PRKAR1A: variants seen among roughly 807,000 people sequenced by gnomAD.
PRKAR1A encodes cAMP-dependent protein kinase type I-alpha regulatory subunit.
In PRKAR1A, 3 loss-of-function variants were observed where a neutral mutation model predicts 52.0. The ratio of observed to expected loss-of-function variants is 0.06; its 90% CI spans 0.03 to 0.15. The LOEUF (loss-of-function observed/expected upper bound fraction) is 0.15. Ranked by LOEUF, PRKAR1A falls within the 10% of genes least tolerant of loss-of-function variation. The pLI is 1.00. For missense variants in PRKAR1A, 240 were observed against 477.4 expected (o/e 0.50, Z 4.63); for synonymous variants, 188 against 168.4 (o/e 1.12, Z -0.90).
chr17:68,548,358 C>T (rs894621492), intron 11 of PRKAR1A, among the ~76,000 whole-genome samples: 8 of 152,216 alleles, frequency 5.3e-5, no homozygotes, highest in East Asian at 3.9e-4. Context: ...GGTGAAACCC[C>T]GTCTCTACTA....
Position 68,531,834 on chromosome 17 carries a change from A to G in PRKAR1A, c.*1385A>G. 9.7e-7 allele frequency: 1 copy of G among 1,034,476 alleles called. No homozygotes were observed. Among genetic ancestry groups the G allele is most frequent in the East Asian group, 5.0e-5 (1 of 19,886 alleles). 64.1% of individuals were successfully genotyped at this position (1,034,476 alleles called of 1,614,324 possible). A position where few individuals can be genotyped will look rare whatever the true frequency, so the allele number is the denominator to read the frequency against. Reference sequence around the variant, plus strand: ...TTTATTTTTATTATTTTTTTAAACAAAATTTCACAGTTCTGTAATGTAGGC... The same window carrying G: ...TTTATTTTTATTATTTTTTTAAACAGAATTTCACAGTTCTGTAATGTAGGC... On this transcript the variant is annotated 3_prime_UTR_variant, in exon 11 of 11. Coordinates refer to ENST00000589228, the MANE Select transcript of PRKAR1A (RefSeq NM_002734.5).
chr17:68,513,464 A>G (rs780313557), intron 1 of PRKAR1A, among the ~76,000 whole-genome samples: 1 of 151,230 alleles, frequency 6.6e-6, no homozygotes, highest in Admixed American at 6.6e-5. Context: ...AAGTGTTTTT[A>G]TTTATTTCCC....
At chr17:68,506,335 T>C in the PRKAR1A span, among the ~76,000 whole-genome samples, 1 of 152,140 alleles carries the variant, frequency 6.6e-6, no homozygotes, top group African/African-American at 2.4e-5. Flanking sequence ...TACCATTATA[T>C]CCCAGACACC....
chr17:68,440,291 A>G, the PRKAR1A span, among the ~76,000 whole-genome samples: 347 of 152,362 alleles, frequency 2.3e-3, 12 homozygotes, highest in East Asian at 0.062. Flanking sequence ...CCAACGAGCC[A>G]CACGAATGTA....
chr17:68,507,463 A>G (rs1203077901), upstream of PRKAR1A, among the ~76,000 whole-genome samples: 1 of 152,168 alleles, frequency 6.6e-6, no homozygotes, highest in Non-Finnish European at 1.5e-5. Context: ...ACACATGGAC[A>G]CAGGGAGCAG....
At position 68,513,807 on chromosome 17, in the gene PRKAR1A, AAC is replaced by A. The variant is rs572371362; in HGVS notation, c.-7+1263_-7+1264del. 2.9e-3 allele frequency among the ~76,000 whole-genome samples: 448 copies of A among 152,350 alleles called. 4 individuals are homozygous for A. The highest frequency in any genetic ancestry group is 0.01 in the African/African-American group (420 of 41,574). On this transcript the variant is annotated intron_variant, in intron 1 of 10. Coordinates refer to ENST00000589228, the MANE Select transcript of PRKAR1A (RefSeq NM_002734.5). ...TAATACATTAGTTGTTTCAAACAAA[AAC>A]ACAGTTTCACTCCTTAGGCCCAGTT...
chr17:68,537,663 T>G, downstream of PRKAR1A: 1 of 1,613,858 alleles, frequency 6.2e-7, no homozygotes, highest in South Asian at 1.1e-5. This position sits in a 1 kb window ranked among gnomAD's most constrained non-coding sequence, Gnocchi z 4.2. Context: ...CTTCCAGCAG[T>G]GATTCTCGCA....
chr17:68,531,377 T>C lies in PRKAR1A; in HGVS notation c.*928T>C. On this transcript the variant is annotated 3_prime_UTR_variant, in exon 11 of 11. Coordinates refer to ENST00000589228, the MANE Select transcript of PRKAR1A (RefSeq NM_002734.5). ...GTATAATCTCCTCTGCTCATTAAAC[T>C]GATTCCAGGAGATTGGATTTGCTGT... is the stretch of plus-strand genomic sequence containing the variant. 1 of 1,065,738 alleles carries C rather than the reference T, an allele frequency of 9.4e-7. No homozygotes were observed. The highest frequency in any genetic ancestry group is 1.1e-6 in the Non-Finnish European group (1 of 879,434). 66.0% of individuals were successfully genotyped at this position (1,065,738 alleles called of 1,614,324 possible). A position where few individuals can be genotyped will look rare whatever the true frequency, so the allele number is the denominator to read the frequency against.
In PRKAR1A at chr17:68,522,857, TAGG is replaced by T. The variant is rs1600478948; in HGVS notation, c.283_285del (p.Arg97del). On this transcript the variant is annotated inframe_deletion, in exon 3 of 11. Coordinates refer to ENST00000589228, the MANE Select transcript of PRKAR1A (RefSeq NM_002734.5). Reference sequence around the variant, plus strand: ...CTCCACCCAACCCAGTGGTTAAAGGTAGGAGGCGACGAGGTGCTATCAGCGCTG... The same window carrying T: ...CTCCACCCAACCCAGTGGTTAAAGGTAGGCGACGAGGTGCTATCAGCGCTG... The T allele has an allele frequency of 8.7e-6, 14 of 1,613,852 alleles. No homozygotes were observed. Among genetic ancestry groups the T allele is most frequent in the Non-Finnish European group, 1.2e-5 (14 of 1,179,848 alleles).
chr17:68,413,800 G>C, the PRKAR1A span: 1 of 157,544 alleles, frequency 6.3e-6, no homozygotes, highest in Admixed American at 6.5e-5. Flanking sequence ...AGCCAGGTAA[G>C]GGATGTAATC....
At chr17:68,465,942 C>T in the PRKAR1A span, among the ~76,000 whole-genome samples, 2 of 152,080 alleles carry the variant, frequency 1.3e-5, no homozygotes, top group Non-Finnish European at 2.9e-5. Flanking sequence ...GACACTGGAA[C>T]TTAGGTGCTT....
At chr17:68,450,630 A>T in the PRKAR1A span, 1 of 1,445,078 alleles carries the variant, frequency 6.9e-7, no homozygotes. Flanking sequence ...TTAGAATTGG[A>T]AGCTTGTTTT....
chr17:68,472,711 C>T, the PRKAR1A span, among the ~76,000 whole-genome samples: 139 of 152,100 alleles, frequency 9.1e-4, no homozygotes, highest in East Asian at 1.9e-4. Context: ...TTTGGGAGGC[C>T]GAGGTGGGCA....
chr17:68,417,405 C>T, the PRKAR1A span, among the ~76,000 whole-genome samples: 1 of 152,160 alleles, frequency 6.6e-6, no homozygotes, highest in Admixed American at 6.5e-5. Flanking sequence ...CCAGTATTTA[C>T]TGTAAGAACT....
the PRKAR1A span, among the ~76,000 whole-genome samples, chr17:68,503,238 G>C: frequency 6.6e-6 from 1 of 152,190 alleles, no homozygotes. Flanking sequence ...AGAGCAACAG[G>C]AGCTCTCATT....
the PRKAR1A span, chr17:68,420,160 C>T: frequency 5.0e-5 from 80 of 1,609,432 alleles, no homozygotes; most frequent in South Asian, 8.5e-4. Flanking sequence ...TCAGGGTTAG[C>T]GAGGCATTTG....
chr17:68,543,616 G>T (rs2086412329), intron 11 of PRKAR1A: 1 of 1,613,286 alleles, frequency 6.2e-7, no homozygotes, highest in Non-Finnish European at 8.5e-7. Flanking sequence ...ATCTCCATGG[G>T]GCCAGACCCT....
chr17:68,498,501 G>A, the PRKAR1A span, among the ~76,000 whole-genome samples: 1 of 152,210 alleles, frequency 6.6e-6, no homozygotes, highest in Non-Finnish European at 1.5e-5. Flanking sequence ...TGAACCCAGG[G>A]AGATAAATTG....
Position 68,532,620 on chromosome 17 carries a change from T to C in PRKAR1A, c.*2171T>C, listed in dbSNP as rs1386271608. On this transcript the variant is annotated 3_prime_UTR_variant, in exon 11 of 11. Transcript: ENST00000589228. ...AGTGAATTTATGAGATTTACTGCTC[T>C]AGAAAGTATAGATGGCCAAAGGACC... 11 of 1,066,254 alleles carry C rather than the reference T, an allele frequency of 1.0e-5. No individual in the cohort carries two copies. The highest frequency in any genetic ancestry group is 1.1e-5 in the Non-Finnish European group (10 of 879,582). 66.0% of individuals were successfully genotyped at this position (1,066,254 alleles called of 1,614,324 possible). A position where few individuals can be genotyped will look rare whatever the true frequency, so the allele number is the denominator to read the frequency against.
Sources: gnomAD v4.1 joint callset for allele counts (sites outside exome capture counted in the v4.1 genomes callset) on GRCh38, gnomAD v4.1.1 for gene constraint, Gnocchi (gnomAD v3.1) non-coding constraint, MANE v1.5 for transcripts, NCBI Gene and HGNC (gene_info 2026-07-23, HGNC 2026-07-21) for gene names.